Variants in BRINP1 observed in about 807,000 individuals in gnomAD.
The protein encoded by BRINP1 is BMP/retinoic acid inducible neural specific 1.
BRINP1 carries 17 observed loss-of-function variants against 72.9 expected under a neutral mutation model. That is an observed-to-expected ratio of 0.23 (90% CI 0.16 to 0.35). BRINP1 has a LOEUF of 0.35. Among genes scored for constraint, BRINP1 ranks in the 10% least tolerant of loss-of-function variants. BRINP1 has a pLI of 1.00. For synonymous variants in BRINP1, 418 were observed against 378.5 expected, an observed-to-expected ratio of 1.10 and a Z score of -1.21; for missense variants, 850 against 1,001.6, an observed-to-expected ratio of 0.85 and a Z score of 2.04.
intron 2 of BRINP1, among the ~76,000 whole-genome samples, chr9:119,267,016 G>A (rs1005267091): frequency 7.2e-5 from 11 of 152,162 alleles, no homozygotes; most frequent in Non-Finnish European, 1.0e-4. Context: ...GCCACTAGGC[G>A]GTCACTGCAG....
chr9:119,332,553 G>T (rs1165667205), intron 1 of BRINP1, among the ~76,000 whole-genome samples: 1 of 152,106 alleles, frequency 6.6e-6, no homozygotes, highest in African/African-American at 2.4e-5. Flanking sequence ...CAGAAGTGAT[G>T]GTGTGTCAGT....
chr9:119,334,063 GAGA>G (rs1308463826), intron 1 of BRINP1, among the ~76,000 whole-genome samples: 2 of 152,198 alleles, frequency 1.3e-5, no homozygotes, highest in African/African-American at 4.8e-5. Context: ...AATGCAGTCT[GAGA>G]AGAAGGCCGC....
At chr9:119,233,756 A>C (rs1830167728) in intron 5 of BRINP1, among the ~76,000 whole-genome samples, 1 of 152,208 alleles carries the variant, frequency 6.6e-6, no homozygotes, top group African/African-American at 2.4e-5. Flanking sequence ...ACAGAACATT[A>C]CCAATATCCC....
intron 7 of BRINP1, among the ~76,000 whole-genome samples, chr9:119,208,491 A>G (rs947472316): frequency 6.6e-6 from 1 of 152,192 alleles, no homozygotes; most frequent in Non-Finnish European, 1.5e-5. Context: ...CAGAACACAG[A>G]GGCTGAAAAT....
intron 7 of BRINP1, among the ~76,000 whole-genome samples, chr9:119,171,046 A>G (rs1025920130): frequency 1.4e-5 from 2 of 138,744 alleles, no homozygotes; most frequent in Non-Finnish European, 3.0e-5. Flanking sequence ...TGTAAAGACC[A>G]TCAAGACTAG....
intron 5 of BRINP1, among the ~76,000 whole-genome samples, chr9:119,236,985 T>C (rs966245847): frequency 1.9e-4 from 29 of 152,306 alleles, no homozygotes; most frequent in Admixed American, 1.6e-3. Flanking sequence ...AAGCCCTCCA[T>C]GCATGTTAGA....
intron 1 of BRINP1, among the ~76,000 whole-genome samples, chr9:119,348,680 T>C (rs779761911): frequency 6.6e-6 from 1 of 152,236 alleles, no homozygotes; most frequent in African/African-American, 2.4e-5. Flanking sequence ...AAGAATCTCC[T>C]GATCCCATAG....
chr9:119,355,165 A>T (rs1354998112), intron 1 of BRINP1, among the ~76,000 whole-genome samples: 1 of 152,216 alleles, frequency 6.6e-6, no homozygotes, highest in Non-Finnish European at 1.5e-5. Flanking sequence ...AGAATCAAAG[A>T]ATGAAATTCA....
At chr9:119,198,106 T>C (rs1017160664) in intron 7 of BRINP1, among the ~76,000 whole-genome samples, 1 of 152,226 alleles carries the variant, frequency 6.6e-6, no homozygotes, top group African/African-American at 2.4e-5. Context: ...AAATAGAATA[T>C]ACCACTACCC....
chr9:119,197,791 T>C (rs1829756082), intron 7 of BRINP1, among the ~76,000 whole-genome samples: 1 of 152,220 alleles, frequency 6.6e-6, no homozygotes, highest in Non-Finnish European at 1.5e-5. Flanking sequence ...GCCCGTTGCA[T>C]TTGCTATTAT....
chr9:119,322,411 G>C (rs943117886), intron 1 of BRINP1, among the ~76,000 whole-genome samples: 1 of 152,188 alleles, frequency 6.6e-6, no homozygotes, highest in African/African-American at 2.4e-5. Context: ...TATTAAGGGA[G>C]TCGGGTTCAT....
At chr9:119,195,080 A>G (rs945198571) in intron 7 of BRINP1, among the ~76,000 whole-genome samples, 1 of 152,172 alleles carries the variant, frequency 6.6e-6, no homozygotes, top group African/African-American at 2.4e-5. Context: ...TAGGTCATTT[A>G]GCCTTCCTGA....
At chr9:119,295,690 A>T (rs1409983504) in intron 2 of BRINP1, among the ~76,000 whole-genome samples, 1 of 152,334 alleles carries the variant, frequency 6.6e-6, no homozygotes, top group Middle Eastern at 3.4e-3. Flanking sequence ...AAAAATGAAC[A>T]TACAGACAAA....
chr9:119,255,507 A>C (rs1023648522), intron 2 of BRINP1, among the ~76,000 whole-genome samples: 2 of 152,302 alleles, frequency 1.3e-5, no homozygotes, highest in South Asian at 2.1e-4. Flanking sequence ...AGAAAATTAT[A>C]AGTCCGAATC....
chr9:119,200,921 A>C (rs77314782), intron 7 of BRINP1, among the ~76,000 whole-genome samples: 139 of 152,030 alleles, frequency 9.1e-4, no homozygotes, highest in Non-Finnish European at 1.6e-3. Context: ...GGCTACTGGG[A>C]GTGGGTGGAA....
At chr9:119,313,001 T>C in intron 2 of BRINP1, 137 bp downstream of exon 2, 1 of 987,682 alleles carries the variant, frequency 1.0e-6, no homozygotes, top group Non-Finnish European at 1.5e-6. Flanking sequence ...AAAAAATTAA[T>C]CAAAAACAGC....
intron 2 of BRINP1, among the ~76,000 whole-genome samples, chr9:119,268,094 T>G (rs1485654717): frequency 6.6e-6 from 1 of 151,914 alleles, no homozygotes; most frequent in Non-Finnish European, 1.5e-5. Flanking sequence ...AATACAAAAC[T>G]TAGCTAGGCG....
chr9:119,188,124 GAAGA>G (rs1176208620), intron 7 of BRINP1, among the ~76,000 whole-genome samples: 1 of 152,120 alleles, frequency 6.6e-6, no homozygotes. Context: ...AATAATAGAT[GAAGA>G]AAGGCATAGA....
intron 4 of BRINP1, among the ~76,000 whole-genome samples, chr9:119,240,183 C>T (rs1272161645): frequency 1.3e-5 from 2 of 152,200 alleles, no homozygotes; most frequent in Middle Eastern, 3.4e-3. Context: ...GCAGGAGAAT[C>T]GCTTGAAACC....
Sources: allele counts gnomAD v4.1 joint callset (sites outside exome capture counted in the v4.1 genomes callset), GRCh38; gene constraint gnomAD v4.1.1; transcripts MANE v1.5; gene names NCBI Gene and HGNC (gene_info 2026-07-23, HGNC 2026-07-21).